UGT8: variants seen among roughly 807,000 people sequenced by gnomAD.
The protein encoded by UGT8 is 2-hydroxyacylsphingosine 1-beta-galactosyltransferase.
In UGT8, 12 loss-of-function variants were observed where a neutral mutation model predicts 40.5. That is an observed-to-expected ratio of 0.30 (90% CI 0.19 to 0.48). The LOEUF (loss-of-function observed/expected upper bound fraction) is 0.48, where lower values mean the gene tolerates loss of function less well. Among genes scored for constraint, UGT8 ranks in the 20% least tolerant of loss-of-function variants. The pLI, the probability that UGT8 is intolerant of heterozygous loss-of-function variation, is 0.99. For missense variants in UGT8, 513 were observed against 648.7 expected (o/e 0.79, Z 2.27); for synonymous variants, 224 against 240.4 (o/e 0.93, Z 0.63).
intron 2 of UGT8, among the ~76,000 whole-genome samples, chr4:114,629,571 T>C (rs1258897323): frequency 1.3e-5 from 2 of 152,218 alleles, no homozygotes; most frequent in Non-Finnish European, 2.9e-5. Flanking sequence ...TATTTTGTAG[T>C]AAGAAACCAA....
Position 114,623,683 on chromosome 4 carries a change from C to G in UGT8, c.803C>G (p.Pro268Arg). 6.3e-7 allele frequency: 1 copy of G among 1,594,068 alleles called. No homozygotes were observed. The highest frequency in any genetic ancestry group is 8.6e-7 in the Non-Finnish European group (1 of 1,164,898). Residue 268 changes from proline (P) to arginine (R), a missense_variant, in exon 2 of 6, where the codon CCA becomes CGA. By Grantham distance (103) the Pro-to-Arg change is moderately radical. Coordinates refer to ENST00000310836, the MANE Select transcript of UGT8 (RefSeq NM_001128174.3). ...TATGTAGGAGGAATCCTAACCAAAC[C>G]AGCCAGCCCACTACCAGAAGTAAGG... ...VVYVGGILTK[P>R]ASPLPEDLQR...
At position 114,654,241 on chromosome 4, in the gene UGT8, G is replaced by A. The variant is rs1471338457; in HGVS notation, c.823-9754G>A. On this transcript the variant is annotated intron_variant, in intron 2 of 5. Transcript: ENST00000310836. ...TAATGTGTTTAAAGTCACAAAGTAG[G>A]TATTCAGTGACTGTTGGTTATGTTC... Among the ~76,000 whole-genome samples the A allele has an allele frequency of 3.9e-5, 6 of 151,972 alleles. No homozygotes were observed. In the East Asian group the frequency reaches 1.2e-3, roughly 29 times the overall value.
intron 2 of UGT8, among the ~76,000 whole-genome samples, chr4:114,628,081 T>C (rs750922984): frequency 3.9e-5 from 6 of 152,190 alleles, no homozygotes; most frequent in Admixed American, 6.5e-5. Flanking sequence ...AATTTGTGTC[T>C]GTATACTGTC....
intron 1 of UGT8, among the ~76,000 whole-genome samples, chr4:114,618,781 A>C (rs191623764): frequency 6.6e-6 from 1 of 152,244 alleles, no homozygotes; most frequent in Admixed American, 6.5e-5. Context: ...TGTGCTATTC[A>C]ATTTACTTTA....
intron 2 of UGT8, among the ~76,000 whole-genome samples, chr4:114,627,305 C>T (rs1325384194): frequency 7.6e-5 from 11 of 144,978 alleles, no homozygotes; most frequent in Admixed American, 1.4e-4. Flanking sequence ...GTCACCCAGG[C>T]TGGAGTGCAG....
At chr4:114,632,114 A>G (rs974921768) in intron 2 of UGT8, among the ~76,000 whole-genome samples, 1 of 152,234 alleles carries the variant, frequency 6.6e-6, no homozygotes, top group African/African-American at 2.4e-5. Context: ...GCCTTCGAGT[A>G]TATTTTGGTA....
chr4:114,658,997 G>T (rs1402148216), intron 2 of UGT8, among the ~76,000 whole-genome samples: 1 of 152,022 alleles, frequency 6.6e-6, no homozygotes. Context: ...GGCTTAAGCT[G>T]GACAGTACCA....
intron 2 of UGT8, among the ~76,000 whole-genome samples, chr4:114,629,004 A>T (rs1187319297): frequency 6.6e-6 from 1 of 151,922 alleles, no homozygotes; most frequent in Non-Finnish European, 1.5e-5. Context: ...ATTACTTCCT[A>T]TTACATATGG....
Position 114,665,743 on chromosome 4 carries a change from A to G in UGT8, c.1029A>G (p.Gln343=). 1.2e-6 allele frequency: 2 copies of G among 1,609,580 alleles called. No homozygotes were observed. Among genetic ancestry groups the G allele is most frequent in the Middle Eastern group, 1.7e-4 (1 of 6,044 alleles). ...NNTKLIEWLP[Q]NDLLGHSKIK... The stretch of plus-strand genomic sequence containing the variant: ...CTAAACTCATAGAATGGTTACCACA[A>G]AATGACCTGCTTGGTAAGTCAATGA... The change falls in exon 4 of 6, where the codon CAA becomes CAG. Residue 343 remains glutamine, a synonymous_variant. Coordinates refer to ENST00000310836, the MANE Select transcript of UGT8 (RefSeq NM_001128174.3).
At chr4:114,635,806 A>T (rs2126109487) in intron 2 of UGT8, among the ~76,000 whole-genome samples, 1 of 152,280 alleles carries the variant, frequency 6.6e-6, no homozygotes, top group South Asian at 2.1e-4. Flanking sequence ...ATGTATTCTG[A>T]TGTGTAATTT....
intron 5 of UGT8, among the ~76,000 whole-genome samples, chr4:114,672,662 G>T (rs987471066): frequency 6.6e-6 from 1 of 151,960 alleles, no homozygotes; most frequent in African/African-American, 2.4e-5. Context: ...ACCAGGGCCT[G>T]TTGGGGGTAG....
intron 1 of UGT8, among the ~76,000 whole-genome samples, chr4:114,605,381 A>G (rs1413305226): frequency 2.0e-5 from 3 of 152,208 alleles, no homozygotes; most frequent in Non-Finnish European, 2.9e-5. Context: ...TTTTGAAGAT[A>G]TAATTTATTT....
chr4:114,605,789 CATATTT>C (rs1404713644), intron 1 of UGT8, among the ~76,000 whole-genome samples: 2 of 152,040 alleles, frequency 1.3e-5, no homozygotes, highest in African/African-American at 4.8e-5. Flanking sequence ...TAAGTTGAGT[CATATTT>C]ATAGAATAAG....
chr4:114,657,140 C>T lies in UGT8; in HGVS notation c.823-6855C>T, dbSNP rs144102046. Among the ~76,000 whole-genome samples, 135 of 151,598 alleles carry T rather than the reference C, an allele frequency of 8.9e-4. 1 individual carries two copies. The highest frequency in any genetic ancestry group is 2.9e-3 in the African/African-American group (120 of 41,340). On this transcript the variant is annotated intron_variant, in intron 2 of 5. Transcript: ENST00000310836. ...TTATTTTTGTCCTTTTTTTCTATCT[C>T]GTGGTTACTTTCCATATCTCCTCAG...
chr4:114,662,903 G>A (rs1441960606), intron 2 of UGT8, among the ~76,000 whole-genome samples: 2 of 127,896 alleles, frequency 1.6e-5, no homozygotes, highest in African/African-American at 5.9e-5. Flanking sequence ...TTGGCTCATT[G>A]CAAGCTCCGC....
chr4:114,618,497 T>C (rs1234231244), intron 1 of UGT8, among the ~76,000 whole-genome samples: 1 of 152,206 alleles, frequency 6.6e-6, no homozygotes, highest in Non-Finnish European at 1.5e-5. Flanking sequence ...AGAACTCATG[T>C]GTATTTATTT....
chr4:114,666,967 G>A (rs1560708565), intron 4 of UGT8, among the ~76,000 whole-genome samples: 4 of 151,992 alleles, frequency 2.6e-5, no homozygotes, highest in Non-Finnish European at 5.9e-5. Context: ...CCCTCCCCTC[G>A]TAGCCGCCCC....
intron 2 of UGT8, among the ~76,000 whole-genome samples, chr4:114,637,732 A>G (rs1219118380): frequency 6.6e-6 from 1 of 152,244 alleles, no homozygotes; most frequent in Non-Finnish European, 1.5e-5. Context: ...ATTTATTCCA[A>G]TTATATACCT....
chr4:114,600,982 T>C (rs1037749238), intron 1 of UGT8, among the ~76,000 whole-genome samples: 7 of 152,314 alleles, frequency 4.6e-5, no homozygotes, highest in Admixed American at 6.5e-5. Context: ...CAATAAAGCA[T>C]AGTGCCCCGA....
Sources: allele counts gnomAD v4.1 joint callset (sites outside exome capture counted in the v4.1 genomes callset), GRCh38; gene constraint gnomAD v4.1.1; transcripts MANE v1.5; gene names NCBI Gene and HGNC (gene_info 2026-07-23, HGNC 2026-07-21).